Variants in CTNNA3 observed in about 807,000 individuals in gnomAD.
The protein encoded by CTNNA3 is catenin alpha-3.
Under a neutral mutation model 95.7 loss-of-function variants are expected in CTNNA3, and 76 were observed. The observed-to-expected ratio is 0.79, with a 90% CI of 0.66 to 0.96. The LOEUF (loss-of-function observed/expected upper bound fraction) is 0.96. Ranked by LOEUF, CTNNA3 falls within the 40% of genes least tolerant of loss-of-function variation. The pLI is 0.00. For missense variants in CTNNA3, 1,191 were observed against 1,089.8 expected (o/e 1.09, Z -1.31); for synonymous variants, 431 against 374.4 (o/e 1.15, Z -1.74).
chr10:66,186,140 G>C, intron 13 of CTNNA3, among the ~76,000 whole-genome samples: 1 of 152,014 alleles, frequency 6.6e-6, no homozygotes. Flanking sequence ...TCTCATCATA[G>C]AGAACTGACA....
chr10:66,885,736 G>T (rs2132478542), intron 7 of CTNNA3, among the ~76,000 whole-genome samples: 1 of 151,952 alleles, frequency 6.6e-6, no homozygotes, highest in Admixed American at 6.6e-5. Context: ...TAAGAAAGAT[G>T]AAAAATAAAA....
intron 6 of CTNNA3, among the ~76,000 whole-genome samples, 170 bp from the exon 7 acceptor site, chr10:67,180,690 A>T (rs896905129): frequency 1.3e-5 from 2 of 152,200 alleles, no homozygotes; most frequent in African/African-American, 2.4e-5. Context: ...TATTATTCTG[A>T]TAAATAATGA....
chr10:67,155,265 G>A (rs939330014), intron 7 of CTNNA3, among the ~76,000 whole-genome samples: 1 of 152,184 alleles, frequency 6.6e-6, no homozygotes, highest in Non-Finnish European at 1.5e-5. Flanking sequence ...GAGAGGTAAA[G>A]AGCAGAAGCT....
rs185221042 is a variant in CTNNA3 at position 66,773,832 on chromosome 10, C to T, written c.1128+1612G>A. The stretch of plus-strand genomic sequence containing the variant: ...GTAATCCCCAATGCTATTTCTATAT[C>T]TCACTGATGGTAGTGAGGTGGAAAT... On this transcript the variant is annotated intron_variant, in intron 8 of 17. Transcript: ENST00000433211. 2.3e-3 allele frequency among the ~76,000 whole-genome samples: 352 copies of T among 152,272 alleles called. 1 individual carries two copies. The highest frequency in any genetic ancestry group is 8.2e-3 in the African/African-American group (339 of 41,558).
At chr10:66,340,201 T>C (rs1413605214) in intron 12 of CTNNA3, among the ~76,000 whole-genome samples, 2 of 151,768 alleles carry the variant, frequency 1.3e-5, no homozygotes, top group Non-Finnish European at 3.0e-5. Flanking sequence ...TGACTTACAA[T>C]ATAGGTTGTT....
chr10:67,234,377 G>A (rs1659065603), intron 5 of CTNNA3, among the ~76,000 whole-genome samples: 1 of 152,186 alleles, frequency 6.6e-6, no homozygotes, highest in South Asian at 2.1e-4. Flanking sequence ...ATCAATAAAT[G>A]TAATCCAGCA....
At chr10:66,883,009 G>T (rs561688723) in intron 7 of CTNNA3, among the ~76,000 whole-genome samples, 1 of 151,992 alleles carries the variant, frequency 6.6e-6, no homozygotes, top group Non-Finnish European at 1.5e-5. Context: ...TCTCTGGGGT[G>T]GGACCAGGCC....
chr10:66,793,835 T>C (rs1841080477), intron 7 of CTNNA3, among the ~76,000 whole-genome samples: 1 of 152,190 alleles, frequency 6.6e-6, no homozygotes, highest in Non-Finnish European at 1.5e-5. Context: ...ATTCTGCAAC[T>C]ACATAAAGAA....
intron 13 of CTNNA3, among the ~76,000 whole-genome samples, chr10:66,178,442 T>TACAC (rs1564733880): frequency 1.0e-5 from 1 of 95,494 alleles, no homozygotes; most frequent in Non-Finnish European, 2.2e-5. Flanking sequence ...TATATATATA[T>TACAC]ACACACACAG....
At chr10:67,365,953 A>G (rs1843198624) in intron 5 of CTNNA3, among the ~76,000 whole-genome samples, 1 of 152,234 alleles carries the variant, frequency 6.6e-6, no homozygotes, top group Non-Finnish European at 1.5e-5. Context: ...ACTATTCACA[A>G]TAGCAAAGAC....
chr10:65,997,519 T>C (rs1039984273), intron 15 of CTNNA3, among the ~76,000 whole-genome samples: 1 of 152,132 alleles, frequency 6.6e-6, no homozygotes, highest in Non-Finnish European at 1.5e-5. Flanking sequence ...TGTTTGCCCA[T>C]TACTAAGTTA....
intron 7 of CTNNA3, among the ~76,000 whole-genome samples, chr10:66,814,484 G>C (rs1199560579): frequency 6.6e-6 from 1 of 151,948 alleles, no homozygotes; most frequent in Non-Finnish European, 1.5e-5. Context: ...GGCTCAGCTG[G>C]GTGCAGTGGA....
chr10:65,964,896 A>T (rs2077924396), intron 17 of CTNNA3, among the ~76,000 whole-genome samples: 2 of 152,184 alleles, frequency 1.3e-5, no homozygotes, highest in Non-Finnish European at 2.9e-5. Flanking sequence ...ACACACATAC[A>T]TGCTGTGTGT....
chr10:66,699,670 T>TA (rs1847878884), intron 9 of CTNNA3, among the ~76,000 whole-genome samples: 1 of 151,888 alleles, frequency 6.6e-6, no homozygotes, highest in Non-Finnish European at 1.5e-5. Flanking sequence ...ATTTACCTTT[T>TA]TTTTTTTTGA....
intron 11 of CTNNA3, 66 bp downstream of exon 11, chr10:66,520,551 C>A: frequency 7.0e-7 from 1 of 1,437,428 alleles, no homozygotes; most frequent in Non-Finnish European, 9.5e-7. Context: ...CATGCCTGTC[C>A]CAGTATTATT....
At chr10:67,542,646 C>CT (rs1459615863) in intron 3 of CTNNA3, among the ~76,000 whole-genome samples, 2 of 152,074 alleles carry the variant, frequency 1.3e-5, no homozygotes, top group African/African-American at 4.8e-5. Flanking sequence ...TCAACAAACA[C>CT]TGATACAGGT....
chr10:66,243,739 C>A (rs111364859), intron 13 of CTNNA3, among the ~76,000 whole-genome samples: 1,728 of 152,262 alleles, frequency 0.011, 35 homozygotes, highest in African/African-American at 0.04. Context: ...TGTCCTTAAC[C>A]TTGGCAAAAT....
At chr10:66,835,877 T>C (rs1030265884) in intron 7 of CTNNA3, among the ~76,000 whole-genome samples, 4 of 151,930 alleles carry the variant, frequency 2.6e-5, no homozygotes, top group African/African-American at 4.8e-5. Context: ...CCCAAGAGGG[T>C]GATTTAGTAG....
intron 7 of CTNNA3, among the ~76,000 whole-genome samples, chr10:66,867,479 C>T (rs11818041): frequency 0.15 from 22,248 of 152,090 alleles, 2,127 homozygotes; most frequent in African/African-American, 0.27. Context: ...GGGGGAGATA[C>T]AAAGAAGGAT....
Sources: allele counts gnomAD v4.1 joint callset (sites outside exome capture counted in the v4.1 genomes callset), GRCh38; gene constraint gnomAD v4.1.1; transcripts MANE v1.5; gene names NCBI Gene and HGNC (gene_info 2026-07-23, HGNC 2026-07-21).